Variants in CHRM3 observed in about 807,000 individuals in gnomAD.
The protein encoded by CHRM3 is cholinergic receptor muscarinic 3, also known as muscarinic acetylcholine receptor M3.
Under a neutral mutation model 41.8 loss-of-function variants are expected in CHRM3, and 11 were observed. The observed-to-expected ratio is 0.26, with a 90% CI of 0.17 to 0.44. The LOEUF is 0.44. Among genes scored for constraint, CHRM3 ranks in the 20% least tolerant of loss-of-function variants. CHRM3 has a pLI of 1.00. For synonymous variants in CHRM3, 297 were observed against 301.4 expected (o/e 0.99, Z 0.15); for missense variants, 571 against 745.4 (o/e 0.77, Z 2.72).
intron 2 of CHRM3, among the ~76,000 whole-genome samples, chr1:239,527,914 T>A (rs976893014): frequency 1.2e-4 from 19 of 152,092 alleles, no homozygotes; most frequent in African/African-American, 4.3e-4. Flanking sequence ...AACTTTTGAT[T>A]TTTTTTTTCT....
chr1:239,642,060 A>G (rs1671211370), intron 4 of CHRM3, among the ~76,000 whole-genome samples: 1 of 127,478 alleles, frequency 7.8e-6, no homozygotes, highest in Non-Finnish European at 1.7e-5. Flanking sequence ...TCTGGGTTGA[A>G]AATTCTTTTC....
At chr1:239,542,125 A>G (rs10925909) in intron 2 of CHRM3, among the ~76,000 whole-genome samples, 58,792 of 152,030 alleles carry the variant, frequency 0.39, 14,139 homozygotes, top group East Asian at 0.6. Context: ...TTGATATTAT[A>G]CTATATCAGA....
At chr1:239,780,009 GTTTA>G (rs1281917089) in intron 5 of CHRM3, among the ~76,000 whole-genome samples, 1 of 152,112 alleles carries the variant, frequency 6.6e-6, no homozygotes, top group African/African-American at 2.4e-5. Flanking sequence ...TTGTACTGCA[GTTTA>G]TTTATTCATT....
rs183486102 is a variant in CHRM3, at chr1:239,455,631, T to C, written c.-520-37078T>C. Among the ~76,000 whole-genome samples, 713 of 152,312 alleles carry C rather than the reference T, an allele frequency of 4.7e-3. 4 individuals are homozygous for C. Among genetic ancestry groups the C allele is most frequent in the Middle Eastern group, 0.024 (7 of 294 alleles). On this transcript the variant is annotated intron_variant, in intron 1 of 6. Transcript: ENST00000676153. ...TTTACAGATAGAAAAAAGCTTATAGTATAAGGGTATAAAGAAACCAAATAT... is the reference window on the plus strand; with the variant it reads ...TTTACAGATAGAAAAAAGCTTATAGCATAAGGGTATAAAGAAACCAAATAT...
chr1:239,509,087 T>G (rs1447661090), intron 2 of CHRM3, among the ~76,000 whole-genome samples: 1 of 152,182 alleles, frequency 6.6e-6, no homozygotes, highest in African/African-American at 2.4e-5. Context: ...GGTATTACAG[T>G]GATAAGGAAT....
At chr1:239,436,552 T>G (rs1224433092) in intron 1 of CHRM3, among the ~76,000 whole-genome samples, 2 of 151,902 alleles carry the variant, frequency 1.3e-5, no homozygotes, top group Non-Finnish European at 2.9e-5. Context: ...CGGCTCTGCT[T>G]GTTCATCTGT....
intron 1 of CHRM3, among the ~76,000 whole-genome samples, chr1:239,412,128 A>G (rs1470355288): frequency 6.6e-6 from 1 of 150,976 alleles, no homozygotes; most frequent in Non-Finnish European, 1.5e-5. Context: ...TGAATTACTT[A>G]GTGAACTATG....
intron 5 of CHRM3, among the ~76,000 whole-genome samples, chr1:239,776,020 A>C (rs1668056954): frequency 6.6e-6 from 1 of 152,212 alleles, no homozygotes; most frequent in Non-Finnish European, 1.5e-5. Flanking sequence ...GAATAAAATA[A>C]ATTTGATGGC....
intron 1 of CHRM3, among the ~76,000 whole-genome samples, chr1:239,419,633 G>A (rs1013200971): frequency 6.6e-6 from 1 of 152,180 alleles, no homozygotes; most frequent in Non-Finnish European, 1.5e-5. Context: ...AAAGCTCTCA[G>A]ACTTGGGAAT....
intron 4 of CHRM3, among the ~76,000 whole-genome samples, chr1:239,633,735 C>A (rs866121306): frequency 7.1e-6 from 1 of 141,794 alleles, no homozygotes; most frequent in South Asian, 2.6e-4. Flanking sequence ...CCCACCCCTT[C>A]TTGCAATCAC....
At chr1:239,896,947 G>A (rs1679056662) in intron 6 of CHRM3, among the ~76,000 whole-genome samples, 1 of 152,160 alleles carries the variant, frequency 6.6e-6, no homozygotes, top group Non-Finnish European at 1.5e-5. Flanking sequence ...AAAAATTATG[G>A]AATTGATTTT....
intron 5 of CHRM3, among the ~76,000 whole-genome samples, chr1:239,807,784 TGA>T (rs1160803122): frequency 1.3e-5 from 2 of 151,464 alleles, no homozygotes; most frequent in Non-Finnish European, 2.9e-5. Context: ...TGTAAGAAAC[TGA>T]GAGTACATGT....
chr1:239,782,095 C>G (rs960528295), intron 5 of CHRM3, among the ~76,000 whole-genome samples: 3 of 151,908 alleles, frequency 2.0e-5, no homozygotes, highest in Admixed American at 2.0e-4. Flanking sequence ...ATGTATTTGT[C>G]TAGTTTTGGT....
intron 5 of CHRM3, among the ~76,000 whole-genome samples, chr1:239,734,682 T>G (rs2148449322): frequency 6.6e-6 from 1 of 152,210 alleles, no homozygotes; most frequent in African/African-American, 2.4e-5. Flanking sequence ...CATTGAGAAT[T>G]TTTCTTATTT....
At chr1:239,720,428 G>A (rs1314168774) in intron 5 of CHRM3, among the ~76,000 whole-genome samples, 1 of 151,816 alleles carries the variant, frequency 6.6e-6, no homozygotes, top group Non-Finnish European at 1.5e-5. Context: ...CTAAATTAAA[G>A]TAAAATTAAA....
intron 2 of CHRM3, among the ~76,000 whole-genome samples, chr1:239,505,944 G>C (rs547130179): frequency 1.3e-5 from 2 of 152,108 alleles, no homozygotes; most frequent in Non-Finnish European, 2.9e-5. Context: ...CAAAGAGATT[G>C]GTGGCATTTT....
intron 5 of CHRM3, among the ~76,000 whole-genome samples, chr1:239,764,681 C>A (rs559624709): frequency 3.9e-5 from 6 of 152,166 alleles, no homozygotes; most frequent in Admixed American, 3.9e-4. Context: ...TGTTAACAGG[C>A]AAATCTCCAA....
intron 2 of CHRM3, among the ~76,000 whole-genome samples, chr1:239,504,826 A>G (rs1572530206): frequency 6.6e-6 from 1 of 152,124 alleles, no homozygotes; most frequent in East Asian, 1.9e-4. Context: ...AAAACCAAAC[A>G]TCATATATTC....
chr1:239,618,625 A>T (rs530744948), intron 3 of CHRM3, among the ~76,000 whole-genome samples: 6 of 151,816 alleles, frequency 4.0e-5, no homozygotes, highest in Non-Finnish European at 5.9e-5. Context: ...CGGTCGGATC[A>T]CGAGGTCAGG....
Sources: allele counts gnomAD v4.1 joint callset (sites outside exome capture counted in the v4.1 genomes callset), GRCh38; gene constraint gnomAD v4.1.1; transcripts MANE v1.5; gene names NCBI Gene and HGNC (gene_info 2026-07-23, HGNC 2026-07-21).